Variants in ARPP21 observed in about 807,000 individuals in gnomAD.
The protein encoded by ARPP21 is cAMP regulated phosphoprotein 21, also known as cAMP-regulated phosphoprotein 21.
ARPP21 carries 69 observed loss-of-function variants against 113.2 expected under a neutral mutation model. That is an observed-to-expected ratio of 0.61 (90% confidence interval 0.50 to 0.74). The LOEUF is 0.74. Among genes scored for constraint, ARPP21 ranks in the 30% least tolerant of loss-of-function variants. The pLI is 0.00. For synonymous variants in ARPP21, 368 were observed against 375.5 expected, an observed-to-expected ratio of 0.98 and a Z score of 0.23; for missense variants, 1,070 against 1,037.4, an observed-to-expected ratio of 1.03 and a Z score of -0.43.
intron 18 of ARPP21, among the ~76,000 whole-genome samples, chr3:35,739,961 GC>G: frequency 6.6e-6 from 1 of 152,262 alleles, no homozygotes; most frequent in East Asian, 1.9e-4. Context: ...TCTTGCTGCT[GC>G]CCCAAAAATG....
chr3:35,659,213 C>T (rs148524157), intron 1 of ARPP21, among the ~76,000 whole-genome samples: 22 of 152,228 alleles, frequency 1.4e-4, no homozygotes, highest in African/African-American at 2.4e-4. Context: ...TTTAACATTA[C>T]GTCCCAGCAC....
At chr3:35,762,096 CCTCTCTCTCT>C (rs373149403) in intron 19 of ARPP21, among the ~76,000 whole-genome samples, 5 of 136,150 alleles carry the variant, frequency 3.7e-5, no homozygotes, top group Admixed American at 1.4e-4. Context: ...CTCTCTCTCT[CCTCTCTCTCT>C]CTCTCTCTCT....
intron 19 of ARPP21, among the ~76,000 whole-genome samples, chr3:35,791,367 A>T (rs1225310659): frequency 1.3e-5 from 2 of 152,200 alleles, no homozygotes; most frequent in African/African-American, 4.8e-5. Context: ...GTATTAAGAT[A>T]GCAGTTCCAC....
intron 19 of ARPP21, among the ~76,000 whole-genome samples, chr3:35,769,117 CAT>C (rs1237127595): frequency 6.6e-6 from 1 of 152,066 alleles, no homozygotes; most frequent in Non-Finnish European, 1.5e-5. Flanking sequence ...ATTATATATG[CAT>C]ATGATTATAT....
intron 18 of ARPP21, 56 bp downstream of exon 18, chr3:35,739,633 C>T: frequency 1.3e-6 from 2 of 1,533,954 alleles, no homozygotes; most frequent in East Asian, 2.3e-5. Flanking sequence ...GCATTTTGAC[C>T]TTTATCTTTC....
chr3:35,716,193 G>A (rs990491919), intron 12 of ARPP21, among the ~76,000 whole-genome samples: 16 of 151,988 alleles, frequency 1.1e-4, no homozygotes, highest in African/African-American at 3.1e-4. Context: ...GATACTCAGG[G>A]CAAATTAAGG....
At chr3:35,790,375 T>C (rs1427610409) in intron 19 of ARPP21, among the ~76,000 whole-genome samples, 1 of 152,232 alleles carries the variant, frequency 6.6e-6, no homozygotes, top group African/African-American at 2.4e-5. Flanking sequence ...TAATTCATGC[T>C]ACAAAGAGCT....
intron 11 of ARPP21, among the ~76,000 whole-genome samples, chr3:35,714,148 T>C (rs2091953122): frequency 6.6e-6 from 1 of 152,232 alleles, no homozygotes; most frequent in Non-Finnish European, 1.5e-5. Flanking sequence ...CTTTTAATTG[T>C]CTCTCTTTGC....
At chr3:35,690,039 G>A in intron 7 of ARPP21, 42 bp from the exon 8 acceptor site, 2 of 832,446 alleles carry the variant, frequency 2.4e-6, no homozygotes, top group Non-Finnish European at 4.2e-6. Context: ...TTTGGAAGTG[G>A]AACATACATA....
intron 19 of ARPP21, among the ~76,000 whole-genome samples, chr3:35,778,834 G>T (rs1010186775): frequency 6.6e-6 from 1 of 152,148 alleles, no homozygotes; most frequent in African/African-American, 2.4e-5. Flanking sequence ...ACTGAGCCCC[G>T]TGAGTACAAT....
At chr3:35,777,088 A>G (rs1327337405) in intron 19 of ARPP21, among the ~76,000 whole-genome samples, 4 of 152,272 alleles carry the variant, frequency 2.6e-5, no homozygotes, top group South Asian at 4.1e-4. Context: ...TAGAGTGTGG[A>G]AGCCGTAGAA....
chr3:35,741,541 A>T (rs1416815310), intron 18 of ARPP21, among the ~76,000 whole-genome samples: 4 of 152,248 alleles, frequency 2.6e-5, no homozygotes, highest in Non-Finnish European at 4.4e-5. Context: ...CATCTGACTC[A>T]TCATGTATGC....
intron 19 of ARPP21, among the ~76,000 whole-genome samples, chr3:35,753,587 A>G (rs1043864781): frequency 6.6e-6 from 1 of 152,014 alleles, no homozygotes; most frequent in East Asian, 1.9e-4. Flanking sequence ...TAATAGTGGA[A>G]TGGACTTAGT....
intron 1 of ARPP21, among the ~76,000 whole-genome samples, chr3:35,662,751 A>G (rs1708390722): frequency 6.6e-6 from 1 of 152,224 alleles, no homozygotes; most frequent in Non-Finnish European, 1.5e-5. Context: ...ACAGTTCAAC[A>G]AGAGGCAACA....
chr3:35,663,679 G>A (rs914459516), intron 1 of ARPP21, among the ~76,000 whole-genome samples: 4 of 152,126 alleles, frequency 2.6e-5, no homozygotes, highest in Non-Finnish European at 4.4e-5. Context: ...TAGCACTGAC[G>A]TGAGTGCAGT....
chr3:35,657,246 C>T (rs575781732), intron 1 of ARPP21, among the ~76,000 whole-genome samples: 23 of 152,172 alleles, frequency 1.5e-4, no homozygotes, highest in East Asian at 7.8e-4. Context: ...TATATGTACA[C>T]GCCCTCAGAA....
chr3:35,708,592 G>A lies in ARPP21; in HGVS notation c.796-377G>A, dbSNP rs548813984. Among the ~76,000 whole-genome samples, 6 of 152,156 alleles carry A rather than the reference G, an allele frequency of 3.9e-5. No homozygotes were observed. In the East Asian group the frequency reaches 7.7e-4, roughly 20 times the overall value. ...ACTAGCCACTTCCTCTTTTTTCACCGGCATTCTGCCTCCTTCTGAGGAGTC... is the reference window on the plus strand; with the variant it reads ...ACTAGCCACTTCCTCTTTTTTCACCAGCATTCTGCCTCCTTCTGAGGAGTC... On this transcript the variant is annotated intron_variant, in intron 10 of 20. Transcript: ENST00000684406.
intron 1 of ARPP21, among the ~76,000 whole-genome samples, chr3:35,666,327 A>G (rs182696308): frequency 1.3e-5 from 2 of 152,326 alleles, no homozygotes; most frequent in Admixed American, 1.3e-4. Flanking sequence ...GTGGCTCCAC[A>G]CAAAAATATC....
At chr3:35,671,479 A>G (rs1238456601) in intron 1 of ARPP21, among the ~76,000 whole-genome samples, 1 of 152,040 alleles carries the variant, frequency 6.6e-6, no homozygotes, top group Non-Finnish European at 1.5e-5. Context: ...TGTTTTCATG[A>G]CTGTTTTCAG....
Sources: allele counts gnomAD v4.1 joint callset (sites outside exome capture counted in the v4.1 genomes callset), GRCh38; gene constraint gnomAD v4.1.1; transcripts MANE v1.5; gene names NCBI Gene and HGNC (gene_info 2026-07-23, HGNC 2026-07-21).